The following AMBP variants were observed in gnomAD, a reference collection of about 807,000 sequenced individuals.
The protein encoded by AMBP is alpha-1-microglobulin/bikunin precursor.
AMBP carries 37 observed loss-of-function variants against 46.3 expected under a neutral mutation model. The ratio of observed to expected loss-of-function variants is 0.80; its 90% confidence interval spans 0.61 to 1.05. AMBP has a LOEUF of 1.05. Among genes scored for constraint, AMBP ranks in the 50% least tolerant of loss-of-function variants. AMBP has a pLI of 0.00. For missense variants in AMBP, 475 were observed against 461.2 expected, an observed-to-expected ratio of 1.03 and a Z score of -0.27; for synonymous variants, 174 against 175.9, an observed-to-expected ratio of 0.99 and a Z score of 0.09.
chr9:114,070,170 C>A lies in AMBP; in HGVS notation c.557-425G>T, dbSNP rs79657035. Among the ~76,000 whole-genome samples the A allele has an allele frequency of 8.9e-3, 1,351 of 152,328 alleles. 27 individuals are homozygous for A. The highest frequency in any genetic ancestry group is 0.031 in the African/African-American group (1,291 of 41,570). ...TTGACTAGCCAGAGGCCACACAGCT[C>A]AGTTCGAACCCAGGTGCTCTTGATG... On this transcript the variant is annotated intron_variant, in intron 5 of 9. Coordinates refer to ENST00000265132, the MANE Select transcript of AMBP (RefSeq NM_001633.4).
intron 1 of AMBP, among the ~76,000 whole-genome samples, chr9:114,077,860 C>T (rs1220420931): frequency 6.6e-6 from 1 of 152,238 alleles, no homozygotes; most frequent in Non-Finnish European, 1.5e-5. Flanking sequence ...AAGGGTTCCC[C>T]TTGGAGCCCA....
intron 6 of AMBP, among the ~76,000 whole-genome samples, chr9:114,063,196 A>G (rs982529159): frequency 6.6e-6 from 1 of 151,880 alleles, no homozygotes; most frequent in Non-Finnish European, 1.5e-5. Context: ...AAAAAAAAAA[A>G]TCCAGAGAGA....
chr9:114,069,552 T>C, intron 6 of AMBP, 147 bp downstream of exon 6: 1 of 746,442 alleles, frequency 1.3e-6, no homozygotes, highest in South Asian at 1.7e-5. Context: ...CCAGTGAGTC[T>C]GACTTCAACA....
intron 2 of AMBP, 88 bp from the exon 3 acceptor site, chr9:114,075,124 G>A (rs1410277845): frequency 4.6e-6 from 5 of 1,087,908 alleles, no homozygotes; most frequent in Non-Finnish European, 1.4e-6. Flanking sequence ...CTTTCCAAAT[G>A]CCTTGGTTTT....
rs766843520 is a variant in AMBP at position 114,072,920 on chromosome 9, T to C, written c.556+5A>G. On this transcript the variant is annotated splice_donor_5th_base_variant and intron_variant, in intron 5 of 9. Transcript: ENST00000265132. Reference sequence around the variant, plus strand: ...AGGAATTTGAGGCGGAGGGGTGCTATGTACCTCGGTCAGCCATGGTGAAGA... The same window carrying C: ...AGGAATTTGAGGCGGAGGGGTGCTACGTACCTCGGTCAGCCATGGTGAAGA... The C allele has an allele frequency of 7.4e-6, 12 of 1,613,608 alleles. No homozygotes were observed. Among genetic ancestry groups the C allele is most frequent in the Non-Finnish European group, 1.0e-5 (12 of 1,179,646 alleles).
At chr9:114,078,007 A>C (rs1351015626) in intron 1 of AMBP, 86 bp downstream of exon 1, 2 of 1,351,076 alleles carry the variant, frequency 1.5e-6, no homozygotes, top group East Asian at 4.6e-5. Flanking sequence ...TGAGACCCCG[A>C]GACAGGCCGC....
intron 5 of AMBP, among the ~76,000 whole-genome samples, chr9:114,072,220 C>A (rs1281182572): frequency 6.6e-6 from 1 of 152,198 alleles, no homozygotes; most frequent in Non-Finnish European, 1.5e-5. Context: ...TGGGGCCCTG[C>A]AGTTCTTGGC....
chr9:114,063,521 G>C (rs1202086635), intron 6 of AMBP, among the ~76,000 whole-genome samples: 3 of 152,192 alleles, frequency 2.0e-5, no homozygotes, highest in Non-Finnish European at 4.4e-5. Flanking sequence ...GATGAGGATA[G>C]AGAAATGGAG....
chr9:114,062,882 TAGAC>T, intron 6 of AMBP, 124 bp from the exon 7 acceptor site: 1 of 912,600 alleles, frequency 1.1e-6, no homozygotes, highest in Non-Finnish European at 1.8e-6. Context: ...ACACAGCTCT[TAGAC>T]TGGTTAAAGG....
intron 5 of AMBP, among the ~76,000 whole-genome samples, chr9:114,072,567 G>A (rs1846756045): frequency 1.3e-5 from 2 of 152,214 alleles, no homozygotes; most frequent in African/African-American, 2.4e-5. Flanking sequence ...TGGCCACAGA[G>A]GTTTCCAGCC....
chr9:114,077,743 G>T, intron 1 of AMBP: 1 of 247,562 alleles, frequency 4.0e-6, no homozygotes, highest in Non-Finnish European at 8.0e-6. Context: ...GGAGTCATTA[G>T]AGAAGGAAGG....
chr9:114,065,184 TG>T (rs1846681474), intron 6 of AMBP, among the ~76,000 whole-genome samples: 1 of 151,830 alleles, frequency 6.6e-6, no homozygotes, highest in Middle Eastern at 3.4e-3. Context: ...ATTCATATAC[TG>T]GGGTCCTAAC....
Position 114,068,480 on chromosome 9 carries a change from C to T in AMBP, c.603+1219G>A, listed in dbSNP as rs112838546. Among the ~76,000 whole-genome samples, 207 of 151,910 alleles carry T rather than the reference C, an allele frequency of 1.4e-3. 1 individual carries two copies. Among genetic ancestry groups the T allele is most frequent in the African/African-American group, 4.7e-3 (195 of 41,432 alleles). On this transcript the variant is annotated intron_variant, in intron 6 of 9. Coordinates refer to ENST00000265132, the MANE Select transcript of AMBP (RefSeq NM_001633.4). The stretch of plus-strand genomic sequence containing the variant: ...AATTAGCCAAGCGTGGTAGTGGGCA[C>T]CTGTAATCCCAGCTACTCAGGAGGC...
rs541692003 is a variant in AMBP, at chr9:114,064,503, A to T, written c.604-1745T>A. On this transcript the variant is annotated intron_variant, in intron 6 of 9. Coordinates refer to ENST00000265132, the MANE Select transcript of AMBP (RefSeq NM_001633.4). ...AGGATGAACATGGTGAGAAACGGGAAATAGAAGTGTGCTGTATTTCACTCT... is the reference window on the plus strand; with the variant it reads ...AGGATGAACATGGTGAGAAACGGGATATAGAAGTGTGCTGTATTTCACTCT... 8.5e-5 allele frequency among the ~76,000 whole-genome samples: 13 copies of T among 152,302 alleles called. No homozygotes were observed. The South Asian group carries it at 2.1e-3, about 24-fold the overall frequency.
chr9:114,069,826 T>C, intron 5 of AMBP, 81 bp from the exon 6 acceptor site: 1 of 1,459,810 alleles, frequency 6.9e-7, no homozygotes, highest in Non-Finnish European at 9.6e-7. Flanking sequence ...GTATCTTTGG[T>C]GAGCATCGTG....
At position 114,076,579 on chromosome 9, in the gene AMBP, GC is replaced by G; in HGVS notation, c.260+18del. 1 of 1,611,568 alleles carries G rather than the reference GC, an allele frequency of 6.2e-7. No individual in the cohort carries two copies. Reference sequence around the variant, plus strand: ...TCTCTGGGTCTCTCTCAGCTTTCCAGCCCCACCCTAGTGCTCACCGCCAACG... The same window carrying G: ...TCTCTGGGTCTCTCTCAGCTTTCCAGCCCACCCTAGTGCTCACCGCCAACG... On this transcript the variant is annotated intron_variant, in intron 2 of 9. Coordinates refer to ENST00000265132, the MANE Select transcript of AMBP (RefSeq NM_001633.4).
intron 6 of AMBP, among the ~76,000 whole-genome samples, chr9:114,064,965 G>A (rs190451347): frequency 2.4e-3 from 359 of 152,280 alleles, no homozygotes; most frequent in Non-Finnish European, 4.2e-3. Context: ...AGAGAAAGGA[G>A]TAAAAAGCAA....
Position 114,062,337 on chromosome 9 carries a change from CCTA to C in AMBP, c.685+337_685+339del, listed in dbSNP as rs1172607225. Among the ~76,000 whole-genome samples, 13 of 152,316 alleles carry C rather than the reference CCTA, an allele frequency of 8.5e-5. No individual in the cohort carries two copies. In the South Asian group the frequency reaches 2.5e-3, roughly 29 times the overall value. ...TTCACATGTCCCTCCCCGACTTCCT[CCTA>C]CAAGAGCCCTGATGTTTAGCCCCAC... is the stretch of plus-strand genomic sequence containing the variant. On this transcript the variant is annotated intron_variant, in intron 7 of 9. Coordinates refer to ENST00000265132, the MANE Select transcript of AMBP (RefSeq NM_001633.4).
intron 9 of AMBP, 63 bp from the exon 10 acceptor site, chr9:114,060,333 AGCTGTC>A: frequency 6.4e-7 from 1 of 1,567,854 alleles, no homozygotes. Context: ...AAGGGAAAGC[AGCTGTC>A]GCCTGGGGCC....
Sources: allele counts gnomAD v4.1 joint callset (sites outside exome capture counted in the v4.1 genomes callset), GRCh38; gene constraint gnomAD v4.1.1; transcripts MANE v1.5; gene names NCBI Gene and HGNC (gene_info 2026-07-23, HGNC 2026-07-21).